MAPK4: variants seen among roughly 807,000 people sequenced by gnomAD.
The protein encoded by MAPK4 is Erk3-related.
A neutral mutation model predicts 47.7 loss-of-function variants in MAPK4; 22 were observed. That is an observed-to-expected ratio of 0.46 (90% CI 0.33 to 0.66). The LOEUF is 0.66. Ranked by LOEUF, MAPK4 falls within the 30% of genes least tolerant of loss-of-function variation. The pLI is 0.02. For missense variants in MAPK4, 736 were observed against 831.7 expected (o/e 0.88, Z 1.42); for synonymous variants, 390 against 365.7 (o/e 1.07, Z -0.76).
chr18:50,565,379 G>C (rs1022951828), intron 1 of MAPK4, among the ~76,000 whole-genome samples: 1 of 152,190 alleles, frequency 6.6e-6, no homozygotes, highest in Admixed American at 6.5e-5. Flanking sequence ...TGTAAACGAG[G>C]TTGGTCAGTG....
intron 1 of MAPK4, among the ~76,000 whole-genome samples, chr18:50,608,074 G>A (rs560579956): frequency 1.3e-5 from 2 of 152,180 alleles, no homozygotes; most frequent in African/African-American, 4.8e-5. Flanking sequence ...AATCAAAAAT[G>A]AGCATTACAT....
chr18:50,619,087 GT>G (rs1474454428), intron 1 of MAPK4, among the ~76,000 whole-genome samples: 2 of 152,200 alleles, frequency 1.3e-5, no homozygotes, highest in Non-Finnish European at 2.9e-5. Flanking sequence ...AGAAAACTAT[GT>G]GAAAGATCCT....
chr18:50,625,882 GCACACACACACACACA>G (rs58870306), intron 1 of MAPK4, among the ~76,000 whole-genome samples: 16,747 of 145,284 alleles, frequency 0.12, 1,086 homozygotes, highest in Middle Eastern at 0.2. Flanking sequence ...GTGTGTGTAT[GCACACACACACACACA>G]CACACACACA....
chr18:50,631,259 G>A (rs796090356), intron 1 of MAPK4, among the ~76,000 whole-genome samples: 16 of 152,160 alleles, frequency 1.1e-4, no homozygotes, highest in African/African-American at 2.7e-4. Context: ...TAAGCATAGC[G>A]CTGAGGTGCT....
intron 1 of MAPK4, among the ~76,000 whole-genome samples, chr18:50,590,435 A>G (rs1400502562): frequency 1.3e-5 from 2 of 152,208 alleles, no homozygotes; most frequent in African/African-American, 4.8e-5. Context: ...GGAGAGAGAT[A>G]AGTCCAGCAG....
rs548730059 is a variant in MAPK4, at chr18:50,627,459, G to A, written c.-870-35630G>A. On this transcript the variant is annotated intron_variant, in intron 1 of 5. Transcript: ENST00000400384. Reference sequence around the variant, plus strand: ...CAGCTTCAGGGGTGGCCCGAGCTCTGGAGGAAGGAGAGGCTGCAGCTGTTT... The same window carrying A: ...CAGCTTCAGGGGTGGCCCGAGCTCTAGAGGAAGGAGAGGCTGCAGCTGTTT... Among the ~76,000 whole-genome samples, 71 of 152,310 alleles carry A rather than the reference G, an allele frequency of 4.7e-4. 2 individuals carry two copies. In the South Asian group the frequency reaches 0.014, roughly 30 times the overall value.
chr18:50,594,547 T>C (rs964208327), intron 1 of MAPK4, among the ~76,000 whole-genome samples: 18 of 152,186 alleles, frequency 1.2e-4, no homozygotes, highest in Admixed American at 1.0e-3. Context: ...TATTAATCTG[T>C]AAATAAAACA....
At chr18:50,595,326 CTG>C (rs544658709) in intron 1 of MAPK4, among the ~76,000 whole-genome samples, 23 of 152,136 alleles carry the variant, frequency 1.5e-4, no homozygotes, top group Admixed American at 1.0e-3. Flanking sequence ...GATAAACAAA[CTG>C]TGGTATGATT....
rs185008418 is a variant in MAPK4, at chr18:50,608,683, C to A, written c.-871+48440C>A. 2.8e-3 allele frequency among the ~76,000 whole-genome samples: 422 copies of A among 151,952 alleles called. 3 individuals are homozygous for A. The highest frequency in any genetic ancestry group is 9.9e-3 in the African/African-American group (409 of 41,436). On this transcript the variant is annotated intron_variant, in intron 1 of 5. Coordinates refer to ENST00000400384, the MANE Select transcript of MAPK4 (RefSeq NM_002747.4). ...TGCTGTATTATGTTTACCCCTCCAG[C>A]CTGTGAGATATGTCTTCTTTTTTTT...
At chr18:50,621,500 T>C (rs543097822) in intron 1 of MAPK4, among the ~76,000 whole-genome samples, 3 of 152,228 alleles carry the variant, frequency 2.0e-5, no homozygotes, top group African/African-American at 7.2e-5. Flanking sequence ...AATTACTTGG[T>C]GAGATGAAAA....
intron 3 of MAPK4, among the ~76,000 whole-genome samples, chr18:50,718,158 C>G (rs1231803421): frequency 6.6e-6 from 1 of 152,136 alleles, no homozygotes; most frequent in African/African-American, 2.4e-5. Context: ...CTAACAGTGG[C>G]CTTTCTGAGG....
chr18:50,583,531 G>T (rs1217759334), intron 1 of MAPK4, among the ~76,000 whole-genome samples: 1 of 152,210 alleles, frequency 6.6e-6, no homozygotes, highest in African/African-American at 2.4e-5. Flanking sequence ...GGAGGTTGCA[G>T]TGAGCTGAGA....
chr18:50,638,018 G>A (rs1008609511), intron 1 of MAPK4, among the ~76,000 whole-genome samples: 10 of 152,204 alleles, frequency 6.6e-5, no homozygotes, highest in Non-Finnish European at 7.3e-5. Flanking sequence ...TAACAAGTGG[G>A]TTTTGTGCAC....
intron 1 of MAPK4, among the ~76,000 whole-genome samples, chr18:50,654,985 A>G (rs1422906525): frequency 6.6e-6 from 1 of 152,198 alleles, no homozygotes; most frequent in Non-Finnish European, 1.5e-5. Context: ...CTCCCCACCC[A>G]GCATCTGATG....
intron 1 of MAPK4, among the ~76,000 whole-genome samples, chr18:50,645,306 A>G (rs946578195): frequency 4.6e-5 from 7 of 152,216 alleles, no homozygotes; most frequent in Non-Finnish European, 1.5e-5. Context: ...CGCTGTCCAT[A>G]GTGGCCTTAG....
At chr18:50,621,029 C>G (rs116643016) in intron 1 of MAPK4, among the ~76,000 whole-genome samples, 1 of 152,150 alleles carries the variant, frequency 6.6e-6, no homozygotes, top group Admixed American at 6.5e-5. Context: ...TTAACTTTAT[C>G]GATCATTTGC....
chr18:50,717,645 T>C (rs533861291), intron 3 of MAPK4, among the ~76,000 whole-genome samples: 1 of 152,070 alleles, frequency 6.6e-6, no homozygotes, highest in South Asian at 2.1e-4. Flanking sequence ...GTCCTTAGCA[T>C]CCATGTGGGC....
At chr18:50,592,045 A>G (rs2042440936) in intron 1 of MAPK4, among the ~76,000 whole-genome samples, 1 of 152,138 alleles carries the variant, frequency 6.6e-6, no homozygotes, top group Non-Finnish European at 1.5e-5. Context: ...CTGGGAAGTT[A>G]ATTAAGGAGC....
At chr18:50,598,937 C>A (rs1001837980) in intron 1 of MAPK4, among the ~76,000 whole-genome samples, 9 of 152,178 alleles carry the variant, frequency 5.9e-5, no homozygotes, top group Non-Finnish European at 1.3e-4. Flanking sequence ...TCAGGGGATA[C>A]ATGATATCCC....
Sources: allele counts gnomAD v4.1 joint callset (sites outside exome capture counted in the v4.1 genomes callset), GRCh38; gene constraint gnomAD v4.1.1; transcripts MANE v1.5; gene names NCBI Gene and HGNC (gene_info 2026-07-23, HGNC 2026-07-21).